TSHZ2: variants seen among roughly 807,000 people sequenced by gnomAD.
TSHZ2 encodes the protein teashirt zinc finger homeobox 2.
A neutral mutation model predicts 74.4 loss-of-function variants in TSHZ2; 21 were observed. The ratio of observed to expected loss-of-function variants is 0.28; its 90% confidence interval spans 0.20 to 0.41. The LOEUF is 0.41. Ranked by LOEUF, TSHZ2 falls within the 10% of genes least tolerant of loss-of-function variation. TSHZ2 has a pLI of 1.00. For missense variants in TSHZ2, 1,244 were observed against 1,293.5 expected (o/e 0.96, Z 0.59); for synonymous variants, 540 against 515.3 (o/e 1.05, Z -0.65).
At chr20:53,145,345 A>G (rs1334412064) in intron 1 of TSHZ2, among the ~76,000 whole-genome samples, 2 of 152,216 alleles carry the variant, frequency 1.3e-5, no homozygotes, top group African/African-American at 2.4e-5. Context: ...TTTCCTGCAC[A>G]AGATAATAGG....
intron 2 of TSHZ2, among the ~76,000 whole-genome samples, chr20:53,350,207 G>C (rs187136731): frequency 6.6e-6 from 1 of 152,308 alleles, no homozygotes; most frequent in East Asian, 1.9e-4. Flanking sequence ...CTAGGGACTC[G>C]AATGTAGACA....
chr20:53,232,720 A>AC (rs532344743), intron 1 of TSHZ2, among the ~76,000 whole-genome samples: 56 of 151,792 alleles, frequency 3.7e-4, no homozygotes, highest in Non-Finnish European at 5.3e-4. Context: ...ACAGAGCGAG[A>AC]CCCCCCCTCT....
intron 1 of TSHZ2, among the ~76,000 whole-genome samples, chr20:53,179,815 A>G (rs1429656201): frequency 6.6e-6 from 1 of 152,188 alleles, no homozygotes; most frequent in Non-Finnish European, 1.5e-5. Flanking sequence ...GAGAAGATAA[A>G]TGCCAGCTTT....
At chr20:53,360,636 T>C (rs1394007673) in intron 2 of TSHZ2, among the ~76,000 whole-genome samples, 1 of 152,246 alleles carries the variant, frequency 6.6e-6, no homozygotes, top group Admixed American at 6.5e-5. Context: ...TACAATGTGC[T>C]AGGCACTGTG....
intron 1 of TSHZ2, among the ~76,000 whole-genome samples, chr20:53,112,900 T>G: frequency 6.6e-6 from 1 of 152,260 alleles, no homozygotes; most frequent in East Asian, 1.9e-4. Context: ...CTATTATTTT[T>G]TAATAGTCTT....
At chr20:53,144,321 ATCG>A (rs1445814227) in intron 1 of TSHZ2, among the ~76,000 whole-genome samples, 1 of 152,322 alleles carries the variant, frequency 6.6e-6, no homozygotes, top group African/African-American at 2.4e-5. Flanking sequence ...AAGGGCTGTT[ATCG>A]TCTTTATTTC....
At chr20:53,248,963 G>A (rs567652630) in intron 1 of TSHZ2, among the ~76,000 whole-genome samples, 8 of 151,694 alleles carry the variant, frequency 5.3e-5, no homozygotes, top group African/African-American at 1.7e-4. Context: ...TCAGCCTCCC[G>A]AGTAGCTGGG....
intron 2 of TSHZ2, among the ~76,000 whole-genome samples, chr20:53,374,359 T>A (rs999498821): frequency 2.6e-5 from 4 of 152,236 alleles, no homozygotes; most frequent in Non-Finnish European, 5.9e-5. Context: ...TCATGGTATA[T>A]ATATGCCACA....
intron 2 of TSHZ2, among the ~76,000 whole-genome samples, chr20:53,317,516 C>T (rs1056904191): frequency 2.0e-5 from 3 of 152,170 alleles, no homozygotes; most frequent in African/African-American, 7.2e-5. Context: ...CTCTCCCCCA[C>T]CCCAGAAGCA....
At chr20:53,389,008 A>T (rs141161938) in intron 2 of TSHZ2, among the ~76,000 whole-genome samples, 94 of 152,358 alleles carry the variant, frequency 6.2e-4, no homozygotes, top group African/African-American at 2.1e-3. Context: ...GTGGATGATT[A>T]TTCATTGATA....
intron 2 of TSHZ2, among the ~76,000 whole-genome samples, chr20:53,413,073 G>T (rs1283851802): frequency 1.3e-5 from 2 of 152,196 alleles, no homozygotes; most frequent in Non-Finnish European, 2.9e-5. Flanking sequence ...AGGGGAGAGC[G>T]GAAGAGGGAC....
In TSHZ2 at chr20:52,976,599, G is replaced by A. The variant is rs569295116; in HGVS notation, c.40+3266G>A. Among the ~76,000 whole-genome samples the A allele has an allele frequency of 2.6e-5, 4 of 152,354 alleles. No homozygotes were observed. In the South Asian group the frequency reaches 8.3e-4, roughly 32 times the overall value. ...ATTTGTTTGCATTTTGCAGGATGCA[G>A]AGTGGTTAAAAATTTAAAATTGTAG... On this transcript the variant is annotated intron_variant, in intron 1 of 2. Coordinates refer to ENST00000371497, the MANE Select transcript of TSHZ2 (RefSeq NM_173485.6).
At chr20:53,050,932 T>C (rs1984434566) in intron 1 of TSHZ2, among the ~76,000 whole-genome samples, 1 of 152,234 alleles carries the variant, frequency 6.6e-6, no homozygotes, top group African/African-American at 2.4e-5. Flanking sequence ...ATAAACAATA[T>C]TTACTATCTT....
chr20:53,003,255 GGTGTGTGTGTGTGTGTGTGTGTGTGT>G (rs11468763), intron 1 of TSHZ2, among the ~76,000 whole-genome samples: 1 of 139,512 alleles, frequency 7.2e-6, no homozygotes, highest in African/African-American at 2.7e-5. Flanking sequence ...CTCCAGGGAT[GGTGTGTGTGTGTGTGTGTGTGTGTGT>G]GTGTGTGTGT....
chr20:53,482,365 G>A (rs1421766982), intron 2 of TSHZ2, among the ~76,000 whole-genome samples: 2 of 152,098 alleles, frequency 1.3e-5, no homozygotes, highest in African/African-American at 2.4e-5. Context: ...TTGACACAAG[G>A]TGAAGCAATG....
chr20:53,263,472 C>G (rs1169594534), intron 2 of TSHZ2, among the ~76,000 whole-genome samples: 1 of 152,218 alleles, frequency 6.6e-6, no homozygotes, highest in African/African-American at 2.4e-5. Context: ...AGCTAGGAGG[C>G]CTTGCACAGC....
intron 1 of TSHZ2, among the ~76,000 whole-genome samples, chr20:53,236,205 T>A (rs1028811943): frequency 6.6e-6 from 1 of 152,220 alleles, no homozygotes; most frequent in Non-Finnish European, 1.5e-5. Context: ...TAAACTCCTT[T>A]CTATCTAACT....
At chr20:53,073,143 T>C (rs1306883787) in intron 1 of TSHZ2, among the ~76,000 whole-genome samples, 2 of 150,984 alleles carry the variant, frequency 1.3e-5, no homozygotes, top group Non-Finnish European at 3.0e-5. Flanking sequence ...CATCCCTTAA[T>C]CCATTCATCC....
At chr20:53,098,501 C>G (rs991357688) in intron 1 of TSHZ2, among the ~76,000 whole-genome samples, 1 of 152,146 alleles carries the variant, frequency 6.6e-6, no homozygotes, top group Non-Finnish European at 1.5e-5. Flanking sequence ...AAGTCAACAA[C>G]TAAAGAGACC....
Sources: allele counts gnomAD v4.1 joint callset (sites outside exome capture counted in the v4.1 genomes callset), GRCh38; gene constraint gnomAD v4.1.1; transcripts MANE v1.5; gene names NCBI Gene and HGNC (gene_info 2026-07-23, HGNC 2026-07-21).